The following OGA variants were observed in gnomAD, a reference collection of about 807,000 sequenced individuals.
OGA encodes the protein protein O-GlcNAcase.
A neutral mutation model predicts 102.0 loss-of-function variants in OGA; 21 were observed. The observed-to-expected ratio is 0.21, with a 90% CI of 0.15 to 0.30. The LOEUF (loss-of-function observed/expected upper bound fraction) is 0.30, where lower values mean the gene tolerates loss of function less well. OGA is among the 10% of genes least tolerant of loss of function. OGA has a pLI of 1.00. For synonymous variants in OGA, 408 were observed against 378.2 expected (o/e 1.08, Z -0.91); for missense variants, 765 against 1,107.8 (o/e 0.69, Z 4.39).
chr10:101,800,170 G>A, intron 8 of OGA, 72 bp downstream of exon 8: 2 of 1,502,796 alleles, frequency 1.3e-6, no homozygotes, highest in Non-Finnish European at 1.8e-6. Context: ...ACCACACCCG[G>A]GAGACAGTGT....
chr10:101,791,132 A>C (rs768094511), intron 13 of OGA, 44 bp from the exon 14 acceptor site: 33 of 1,553,142 alleles, frequency 2.1e-5, no homozygotes, highest in Non-Finnish European at 2.9e-5. Flanking sequence ...TCAGTTGCTA[A>C]TATAAAATTC....
chr10:101,787,222 CTAAT>C (rs1564638149), intron 15 of OGA, 138 bp downstream of exon 15: 17 of 892,944 alleles, frequency 1.9e-5, no homozygotes, highest in Admixed American at 5.6e-5. Context: ...TTCTTCACCA[CTAAT>C]TAATTCAGAA....
chr10:101,792,781 TAAG>T, intron 12 of OGA, 55 bp downstream of exon 12: 1 of 1,237,596 alleles, frequency 8.1e-7, no homozygotes, highest in East Asian at 2.4e-5. Context: ...GTTAAAAGGT[TAAG>T]TTTTAAGTGT....
At chr10:101,814,693 T>C (rs905452199) in intron 1 of OGA, among the ~76,000 whole-genome samples, 2 of 152,114 alleles carry the variant, frequency 1.3e-5, no homozygotes, top group South Asian at 2.1e-4. Context: ...AACAACAAAC[T>C]CTCACGCAAT....
intron 10 of OGA, 163 bp downstream of exon 10, chr10:101,797,817 C>A: frequency 1.5e-6 from 1 of 653,360 alleles, no homozygotes; most frequent in Admixed American, 2.8e-5. Context: ...CTAAGACTTG[C>A]ATCTCAAGTC....
Position 101,790,932 on chromosome 10 carries a change from G to A in OGA, c.2418C>T (p.Thr806=). The A allele has an allele frequency of 1.2e-6, 2 of 1,612,662 alleles. No individual in the cohort carries two copies. The highest frequency in any genetic ancestry group is 1.7e-6 in the Non-Finnish European group (2 of 1,179,110). ...AGAGTTCCTTGTCACCATTTGGCTT[G>A]GTATACTTCTCCTGCATGAAGGGGA... The part of the protein sequence containing the change: ...SWIPFMQEKY[T]KPNGDKELSE... Residue 806 remains threonine (T), a synonymous_variant, in exon 14 of 16, where the codon ACC becomes ACT. Transcript: ENST00000361464.
chr10:101,800,176 A>G, intron 8 of OGA, 66 bp downstream of exon 8: 1 of 1,519,020 alleles, frequency 6.6e-7, no homozygotes, highest in Admixed American at 1.8e-5. Context: ...CCCGGGAGAC[A>G]GTGTTCTTTA....
In OGA at chr10:101,817,803, G is replaced by C. The variant is rs764632053; in HGVS notation, c.199+21C>G. ...ACAGAACGTGTTAGTGCCAAAACGG[G>C]GAGGGAAGGAGGGCGCTCACCTTCC... On this transcript the variant is annotated intron_variant, in intron 1 of 15. Coordinates refer to ENST00000361464, the MANE Select transcript of OGA (RefSeq NM_012215.5). 38 of 1,535,750 alleles carry C rather than the reference G, an allele frequency of 2.5e-5. No individual in the cohort carries two copies. In the African/African-American group the frequency reaches 4.8e-4, roughly 19 times the overall value.
Position 101,817,931 on chromosome 10 carries a change from G to A in OGA, c.92C>T (p.Pro31Leu), listed in dbSNP as rs757278515. Residue 31 changes from proline to leucine, a missense_variant, in exon 1 of 16, where the codon CCG becomes CTG. Pro to Leu is a moderately conservative substitution (Grantham distance 98). This residue lies in a region of OGA where 117 missense variants were observed against 85.7 expected (regional missense o/e 1.36). Coordinates refer to ENST00000361464, the MANE Select transcript of OGA (RefSeq NM_012215.5). ...PAASAGASLE[P>L]PAAPAPGEDN... ...TTCTCCGGGTGCCGGAGCTGCCGGCGGCTCCAGCGATGCCCCCGCAGAGGC... is the reference window on the plus strand; with the variant it reads ...TTCTCCGGGTGCCGGAGCTGCCGGCAGCTCCAGCGATGCCCCCGCAGAGGC... 1.9e-6 allele frequency: 3 copies of A among 1,588,224 alleles called. No homozygotes were observed. Among genetic ancestry groups the A allele is most frequent in the East Asian group, 4.6e-5 (2 of 43,098 alleles).
chr10:101,810,895 T>A (rs1226928674), intron 3 of OGA, among the ~76,000 whole-genome samples: 1 of 152,134 alleles, frequency 6.6e-6, no homozygotes, highest in East Asian at 1.9e-4. Flanking sequence ...TTTGCCATAT[T>A]GCCCAGGCTG....
intron 4 of OGA, among the ~76,000 whole-genome samples, chr10:101,809,243 C>G (rs929533197): frequency 2.0e-5 from 3 of 152,174 alleles, no homozygotes; most frequent in African/African-American, 7.2e-5. Flanking sequence ...GACCACCAAT[C>G]ACCTAGATTC....
chr10:101,806,321 G>C (rs1290651291), intron 5 of OGA, among the ~76,000 whole-genome samples, 178 bp from the exon 6 acceptor site: 1 of 152,178 alleles, frequency 6.6e-6, no homozygotes, highest in Non-Finnish European at 1.5e-5. Context: ...TCCTGCCTCA[G>C]CCTCCCAAGC....
At chr10:101,799,625 A>G (rs748725588) in intron 8 of OGA, among the ~76,000 whole-genome samples, 170 bp from the exon 9 acceptor site, 31 of 152,204 alleles carry the variant, frequency 2.0e-4, no homozygotes, top group Non-Finnish European at 3.5e-4. Context: ...CTATACTACT[A>G]GGGATGCAGG....
chr10:101,817,617 GT>G (rs2065653737), intron 1 of OGA, among the ~76,000 whole-genome samples: 1 of 152,158 alleles, frequency 6.6e-6, no homozygotes. Flanking sequence ...GGTCAGACTT[GT>G]GAGTGGCCAG....
At chr10:101,789,883 G>T (rs2135028467) in intron 14 of OGA, among the ~76,000 whole-genome samples, 1 of 152,312 alleles carries the variant, frequency 6.6e-6, no homozygotes. Flanking sequence ...CAGGGCTGAT[G>T]CAAGAGGATA....
Position 101,806,068 on chromosome 10 carries a change from G to C in OGA, c.728C>G (p.Pro243Arg). The change falls in exon 6 of 16, where the codon CCT (proline) becomes CGT (arginine). Residue 243 changes from proline (P) to arginine (R), a missense_variant. Transcript: ENST00000361464. ...YLRTVGEKLL[P>R]GIEVLWTGPK... ...ACCTGTCCAAAGCACTTCAATTCCAGGTAGAAGCTTTTCACCCACAGTCCT... is the reference window on the plus strand; with the variant it reads ...ACCTGTCCAAAGCACTTCAATTCCACGTAGAAGCTTTTCACCCACAGTCCT... 1.2e-6 allele frequency: 2 copies of C among 1,609,506 alleles called. No individual in the cohort carries two copies. The highest frequency in any genetic ancestry group is 1.7e-6 in the Non-Finnish European group (2 of 1,175,764).
intron 7 of OGA, among the ~76,000 whole-genome samples, chr10:101,800,956 G>C (rs1056730206): frequency 6.6e-6 from 1 of 151,716 alleles, no homozygotes; most frequent in African/African-American, 2.4e-5. Flanking sequence ...TCTATTATTC[G>C]TGAAGATGGG....
At chr10:101,816,736 A>T (rs1048472366) in intron 1 of OGA, among the ~76,000 whole-genome samples, 1 of 152,210 alleles carries the variant, frequency 6.6e-6, no homozygotes, top group Non-Finnish European at 1.5e-5. Flanking sequence ...GCCTTACTGT[A>T]GCAGCAAAGT....
chr10:101,797,404 G>A (rs1307493457), intron 10 of OGA: 1 of 152,510 alleles, frequency 6.6e-6, no homozygotes, highest in Non-Finnish European at 1.5e-5. Flanking sequence ...GAGATGTTTA[G>A]GGGATTACAA....
Sources: gnomAD v4.1 joint callset for allele counts (sites outside exome capture counted in the v4.1 genomes callset) on GRCh38, gnomAD v4.1.1 for gene constraint, gnomAD v4.1.1 regional missense constraint, MANE v1.5 for transcripts, NCBI Gene and HGNC (gene_info 2026-07-23, HGNC 2026-07-21) for gene names.